ESF1: variants seen among roughly 807,000 people sequenced by gnomAD.
ESF1 encodes ESF1 homolog.
In ESF1, 58 loss-of-function variants were observed where a neutral mutation model predicts 92.0. The ratio of observed to expected loss-of-function variants is 0.63; its 90% CI spans 0.51 to 0.78. The LOEUF is 0.78. ESF1 is among the 30% of genes least tolerant of loss of function. The pLI, the probability that ESF1 is intolerant of heterozygous loss-of-function variation, is 0.00. For missense variants in ESF1, 922 were observed against 989.1 expected, an observed-to-expected ratio of 0.93 and a Z score of 0.91; for synonymous variants, 321 against 313.7, an observed-to-expected ratio of 1.02 and a Z score of -0.24.
At chr20:13,776,333 A>C in intron 2 of ESF1, 63 bp from the exon 3 acceptor site, 1 of 1,455,428 alleles carries the variant, frequency 6.9e-7, no homozygotes, top group African/African-American at 1.4e-5. Flanking sequence ...ACTGAATCCA[A>C]ATTATCTTGA....
At chr20:13,768,239 G>A (rs1979517131) in intron 7 of ESF1, among the ~76,000 whole-genome samples, 2 of 152,196 alleles carry the variant, frequency 1.3e-5, no homozygotes, top group Admixed American at 1.3e-4. Flanking sequence ...CCTCAGAGAA[G>A]CACGGTGATT....
intron 9 of ESF1, among the ~76,000 whole-genome samples, chr20:13,739,334 GTTTA>G (rs778575495): frequency 1.3e-5 from 2 of 152,088 alleles, no homozygotes; most frequent in Non-Finnish European, 2.9e-5. Flanking sequence ...ATCATATTTA[GTTTA>G]CTGTAAATCA....
chr20:13,738,228 T>C (rs1340525451), intron 9 of ESF1, among the ~76,000 whole-genome samples: 2 of 152,128 alleles, frequency 1.3e-5, no homozygotes, highest in Non-Finnish European at 2.9e-5. Context: ...ATCTTTCAAA[T>C]AAAACATATG....
intron 9 of ESF1, among the ~76,000 whole-genome samples, chr20:13,735,859 AG>A (rs2049972266): frequency 6.6e-6 from 1 of 152,150 alleles, no homozygotes; most frequent in African/African-American, 2.4e-5. Flanking sequence ...GTTGTCTCTT[AG>A]GTGACTAGAG....
chr20:13,780,622 C>A (rs564851061), intron 2 of ESF1, among the ~76,000 whole-genome samples: 1 of 139,238 alleles, frequency 7.2e-6, no homozygotes, highest in Non-Finnish European at 1.6e-5. Context: ...CCTATCAAAA[C>A]CTCTTGGCCT....
intron 6 of ESF1, among the ~76,000 whole-genome samples, chr20:13,770,862 A>G (rs1979651662): frequency 6.6e-6 from 1 of 152,246 alleles, no homozygotes; most frequent in Admixed American, 6.5e-5. Flanking sequence ...TGCTCTGTCC[A>G]AAATGGAACA....
chr20:13,758,072 G>T (rs76270044), intron 9 of ESF1, among the ~76,000 whole-genome samples: 5,331 of 30,230 alleles, frequency 0.18, 152 homozygotes, highest in Middle Eastern at 0.31. Context: ...TACTGACACA[G>T]AGAGCTCAAC....
At chr20:13,772,649 T>C (rs1476519627) in intron 4 of ESF1, 34 bp from the exon 5 acceptor site, 1 of 1,411,640 alleles carries the variant, frequency 7.1e-7, no homozygotes, top group Non-Finnish European at 1.0e-6. Context: ...ATGTAATTTG[T>C]ACATTCCTTT....
In ESF1 at chr20:13,748,523, TATATATACAC is replaced by T. The variant is rs1164127776; in HGVS notation, c.1828+11159_1828+11168del. On this transcript the variant is annotated intron_variant, in intron 9 of 13. Transcript: ENST00000617257. ...ATATATACACATATATATACACATA[TATATATACAC>T]ATATATATGTGTGTGTATATATATA... Among the ~76,000 whole-genome samples the T allele has an allele frequency of 4.1e-4, 48 of 116,596 alleles. No homozygotes were observed. The South Asian group carries it at 7.6e-3, about 19-fold the overall frequency. 76.5% of individuals were successfully genotyped at this position (116,596 alleles called of 152,430 possible). A position where few individuals can be genotyped will look rare whatever the true frequency, so the allele number is the denominator to read the frequency against.
At chr20:13,753,596 A>G (rs1978739370) in intron 9 of ESF1, among the ~76,000 whole-genome samples, 1 of 151,880 alleles carries the variant, frequency 6.6e-6, no homozygotes, top group South Asian at 2.1e-4. Flanking sequence ...ATTCTTGGTG[A>G]CTTCAGTATC....
chr20:13,763,371 T>C (rs530798023), intron 8 of ESF1, among the ~76,000 whole-genome samples: 72 of 149,760 alleles, frequency 4.8e-4, no homozygotes, highest in African/African-American at 1.7e-3. Flanking sequence ...AACAAATTAA[T>C]GCTTATTTAT....
chr20:13,744,592 T>A (rs34195844), intron 9 of ESF1, among the ~76,000 whole-genome samples: 25,848 of 152,116 alleles, frequency 0.17, 2,803 homozygotes, highest in Non-Finnish European at 0.24. Context: ...TGGCTAACTG[T>A]GTTCCAGCCA....
intron 9 of ESF1, among the ~76,000 whole-genome samples, chr20:13,751,861 G>A (rs1294480549): frequency 1.3e-5 from 2 of 152,116 alleles, no homozygotes; most frequent in Non-Finnish European, 2.9e-5. Context: ...TGGGCGTAGT[G>A]GCCCACGCCT....
At position 13,782,602 on chromosome 20, in the gene ESF1, GAA is replaced by G. The variant is rs1980245960; in HGVS notation, c.537_538del (p.Leu181ArgfsTer13). On this transcript the variant is annotated frameshift_variant, in exon 2 of 14. Transcript: ENST00000617257. LOFTEE classifies it high-confidence loss of function. Reference sequence around the variant, plus strand: ...TAATGTCCTTTGTTTTTCTTCGAGAGAAGAGTCTGTAGTATGTTGAACAATGT... The same window carrying G: ...TAATGTCCTTTGTTTTTCTTCGAGAGGAGTCTGTAGTATGTTGAACAATGT... 1 of 1,597,692 alleles carries G rather than the reference GAA, an allele frequency of 6.3e-7. No individual in the cohort carries two copies. Among genetic ancestry groups the G allele is most frequent in the Non-Finnish European group, 8.5e-7 (1 of 1,176,160 alleles).
intron 8 of ESF1, among the ~76,000 whole-genome samples, chr20:13,762,560 A>AT (rs1979245522): frequency 6.6e-6 from 1 of 152,192 alleles, no homozygotes. Flanking sequence ...AAAATGTGGG[A>AT]TAAGTCATGT....
Position 13,783,122 on chromosome 20 carries a change from T to C in ESF1, c.19A>G (p.Ile7Val), listed in dbSNP as rs1380196199. 4 of 1,598,446 alleles carry C rather than the reference T, an allele frequency of 2.5e-6. No homozygotes were observed. The African/African-American group carries it at 5.4e-5, about 21-fold the overall frequency. Residue 7 changes from isoleucine to valine, a missense_variant, in exon 2 of 14, where the codon ATA (isoleucine) becomes GTA (valine). Coordinates refer to ENST00000617257, the MANE Select transcript of ESF1 (RefSeq NM_001276380.2). MSSKQE[I>V]MSDQRFRRVA... ...CGTCTAAACCGCTGGTCACTCATTA[T>C]TTCTTGTTTGGATGACATTTTTAAT...
chr20:13,723,160 G>A (rs1271049542), intron 11 of ESF1, among the ~76,000 whole-genome samples: 1 of 152,164 alleles, frequency 6.6e-6, no homozygotes, highest in Non-Finnish European at 1.5e-5. Flanking sequence ...GGGTTTAGTT[G>A]AGCAATTCAT....
intron 11 of ESF1, among the ~76,000 whole-genome samples, chr20:13,727,100 T>C (rs960072152): frequency 7.2e-5 from 11 of 152,248 alleles, no homozygotes; most frequent in African/African-American, 2.4e-4. Flanking sequence ...CTTTGAATCC[T>C]ATTCTGAGTT....
intron 7 of ESF1, 42 bp downstream of exon 7, chr20:13,769,865 G>T: frequency 8.2e-7 from 1 of 1,215,270 alleles, no homozygotes; most frequent in Non-Finnish European, 1.2e-6. Context: ...TCTTCATAAA[G>T]CAATAGAGTC....
Sources: allele counts gnomAD v4.1 joint callset (sites outside exome capture counted in the v4.1 genomes callset), GRCh38; gene constraint gnomAD v4.1.1; transcripts MANE v1.5; gene names NCBI Gene and HGNC (gene_info 2026-07-23, HGNC 2026-07-21).